The following ARHGAP26 variants were observed in gnomAD, a reference collection of about 807,000 sequenced individuals.
The protein encoded by ARHGAP26 is rho GTPase-activating protein 26.
Under a neutral mutation model 104.8 loss-of-function variants are expected in ARHGAP26, and 38 were observed. The observed-to-expected ratio is 0.36, with a 90% confidence interval of 0.28 to 0.48. The LOEUF (loss-of-function observed/expected upper bound fraction) is 0.48. Among genes scored for constraint, ARHGAP26 ranks in the 20% least tolerant of loss-of-function variants. ARHGAP26 has a pLI of 0.99. For synonymous variants in ARHGAP26, 341 were observed against 340.0 expected (o/e 1.00, Z -0.03); for missense variants, 704 against 947.9 (o/e 0.74, Z 3.38).
At chr5:142,989,904 G>T (rs1307029058) in intron 11 of ARHGAP26, among the ~76,000 whole-genome samples, 1 of 151,588 alleles carries the variant, frequency 6.6e-6, no homozygotes, top group Admixed American at 6.6e-5. Flanking sequence ...CTTCATTTCA[G>T]CTTTGGTGAA....
At chr5:143,049,531 G>A (rs1265573524) in intron 14 of ARHGAP26, among the ~76,000 whole-genome samples, 1 of 152,078 alleles carries the variant, frequency 6.6e-6, no homozygotes, top group Non-Finnish European at 1.5e-5. Context: ...GACAGAGCTG[G>A]TGTTTTCTGA....
intron 22 of ARHGAP26, among the ~76,000 whole-genome samples, chr5:143,215,311 T>C (rs1810176621): frequency 6.6e-6 from 1 of 152,244 alleles, no homozygotes; most frequent in Non-Finnish European, 1.5e-5. Context: ...CAGGGGATCA[T>C]CATGTTTCTA....
At chr5:142,966,013 A>G (rs1212764171) in intron 11 of ARHGAP26, among the ~76,000 whole-genome samples, 1 of 152,060 alleles carries the variant, frequency 6.6e-6, no homozygotes, top group Non-Finnish European at 1.5e-5. Context: ...TTCCCCTTGC[A>G]TTTTGGGCAG....
At chr5:143,057,485 C>G (rs1403388767) in intron 16 of ARHGAP26, among the ~76,000 whole-genome samples, 157 bp from the exon 17 acceptor site, 8 of 152,172 alleles carry the variant, frequency 5.3e-5, no homozygotes, top group Non-Finnish European at 8.8e-5. Flanking sequence ...CAGATCTAGT[C>G]ATGCTGGCCA....
chr5:143,130,145 C>T (rs1797158323), intron 18 of ARHGAP26, among the ~76,000 whole-genome samples: 1 of 152,248 alleles, frequency 6.6e-6, no homozygotes, highest in African/African-American at 2.4e-5. Flanking sequence ...GTTTGTCTGA[C>T]TGCAGAGGCC....
intron 11 of ARHGAP26, among the ~76,000 whole-genome samples, chr5:142,963,192 A>ATGTGTGTGTGTGTGTGTG (rs1226879690): frequency 7.7e-5 from 8 of 104,394 alleles, no homozygotes; most frequent in East Asian, 5.6e-4. Flanking sequence ...ATATATATAT[A>ATGTGTGTGTGTGTGTGTG]TATATATGTG....
At chr5:142,787,417 T>C (rs985610239) in intron 1 of ARHGAP26, among the ~76,000 whole-genome samples, 1 of 152,206 alleles carries the variant, frequency 6.6e-6, no homozygotes, top group African/African-American at 2.4e-5. Context: ...GAAACCTATT[T>C]GGGGAGGTCA....
rs886298397 is a variant in ARHGAP26, at chr5:142,874,988, A to G, written c.251-122A>G. 1.6e-5 allele frequency: 12 copies of G among 762,668 alleles called. No homozygotes were observed. In the South Asian group the frequency reaches 1.8e-4, roughly 11 times the overall value. 47.2% of individuals were successfully genotyped at this position (762,668 alleles called of 1,614,324 possible). A position where few individuals can be genotyped will look rare whatever the true frequency, so the allele number is the denominator to read the frequency against. ...AAGATGAAGGGAGCCTTGGGAAGCA[A>G]TTGACTTTAGGCATCTGTATGTGCC... On this transcript the variant is annotated intron_variant, in intron 2 of 22. Transcript: ENST00000645722.
At position 142,932,089 on chromosome 5, in the gene ARHGAP26, G is replaced by T. The variant is rs1433354469; in HGVS notation, c.1071G>T (p.Arg357=). The T allele has an allele frequency of 2.5e-6, 4 of 1,614,010 alleles. No homozygotes were observed. Among genetic ancestry groups the T allele is most frequent in the Admixed American group, 1.7e-5 (1 of 60,014 alleles). The part of the protein sequence containing the change: ...ITMQALSEED[R]RLWMEAMDGR... ...TGCAAGCTTTGTCGGAAGAGGACCG[G>T]AGGCTCTGGATGGAAGCCATGGATG... Residue 357 remains arginine (R), a synonymous_variant, in exon 11 of 23, where the codon CGG becomes CGT. Transcript: ENST00000645722.
intron 11 of ARHGAP26, among the ~76,000 whole-genome samples, chr5:143,005,944 G>T (rs192791038): frequency 3.9e-5 from 6 of 152,036 alleles, no homozygotes; most frequent in African/African-American, 1.4e-4. Flanking sequence ...GCACCAACAG[G>T]TACAGAACCC....
intron 21 of ARHGAP26, among the ~76,000 whole-genome samples, chr5:143,212,859 T>TG (rs202012760): frequency 0.01 from 1,536 of 152,278 alleles, 18 homozygotes; most frequent in African/African-American, 0.035. Flanking sequence ...AAAATACTGA[T>TG]GCCTGGCCGG....
At chr5:142,875,029 A>G (rs562548632) in intron 2 of ARHGAP26, 81 bp from the exon 3 acceptor site, 12 of 1,200,634 alleles carry the variant, frequency 1.0e-5, no homozygotes, top group East Asian at 2.4e-5. Flanking sequence ...ATTAAAATCC[A>G]TAACATAATA....
At chr5:143,218,096 T>C (rs932802529) in intron 22 of ARHGAP26, among the ~76,000 whole-genome samples, 26 of 152,216 alleles carry the variant, frequency 1.7e-4, no homozygotes, top group African/African-American at 6.3e-4. Flanking sequence ...AAAGCTTTAC[T>C]GGAACACAGA....
intron 20 of ARHGAP26, chr5:143,193,975 C>T (rs552380216): frequency 6.6e-6 from 1 of 152,236 alleles, no homozygotes; most frequent in African/African-American, 2.4e-5. Context: ...TGTTAGACTC[C>T]ACAGATGAAC....
At chr5:142,773,466 G>A (rs1755662461) in intron 1 of ARHGAP26, among the ~76,000 whole-genome samples, 1 of 152,184 alleles carries the variant, frequency 6.6e-6, no homozygotes, top group Non-Finnish European at 1.5e-5. Context: ...AGTTCAGGTA[G>A]ATCATTGTTA....
intron 17 of ARHGAP26, among the ~76,000 whole-genome samples, chr5:143,097,360 GA>G (rs56116431): frequency 0.058 from 3,674 of 63,272 alleles, 41 homozygotes; most frequent in African/African-American, 0.1. Context: ...TCAAAAAAAA[GA>G]AAAAAAAAAA....
At chr5:142,989,248 G>A (rs1775241826) in intron 11 of ARHGAP26, among the ~76,000 whole-genome samples, 1 of 152,024 alleles carries the variant, frequency 6.6e-6, no homozygotes, top group African/African-American at 2.4e-5. Flanking sequence ...TTATGTAATG[G>A]CCTTCTTTGT....
intron 17 of ARHGAP26, among the ~76,000 whole-genome samples, chr5:143,062,870 G>A (rs578206123): frequency 6.6e-6 from 1 of 152,296 alleles, no homozygotes; most frequent in South Asian, 2.1e-4. Context: ...TGTTAAACAT[G>A]AGAAGTGCTA....
intron 11 of ARHGAP26, among the ~76,000 whole-genome samples, chr5:142,965,548 T>C (rs1360394091): frequency 1.3e-5 from 2 of 152,198 alleles, no homozygotes. Context: ...TCCCCTCAGC[T>C]CCTATCTCTG....
Sources: gnomAD v4.1 joint callset for allele counts (sites outside exome capture counted in the v4.1 genomes callset) on GRCh38, gnomAD v4.1.1 for gene constraint, MANE v1.5 for transcripts, NCBI Gene and HGNC (gene_info 2026-07-23, HGNC 2026-07-21) for gene names.